ATP11A: variants seen among roughly 807,000 people sequenced by gnomAD.
ATP11A encodes the protein ATPase phospholipid transporting 11A, also known as phospholipid-transporting ATPase IH.
Under a neutral mutation model 154.4 loss-of-function variants are expected in ATP11A, and 81 were observed. The observed-to-expected ratio is 0.52, with a 90% CI of 0.44 to 0.63. The LOEUF is 0.63. Among genes scored for constraint, ATP11A ranks in the 30% least tolerant of loss-of-function variants. The probability of loss-of-function intolerance (pLI) is 0.00; values close to 1 mark genes in which losing one functional copy is unlikely to be tolerated. For synonymous variants in ATP11A, 623 were observed against 585.9 expected (o/e 1.06, Z -0.91); for missense variants, 1,316 against 1,474.3 (o/e 0.89, Z 1.76).
At chr13:112,787,396 A>AG (rs1258149429) in intron 2 of ATP11A, among the ~76,000 whole-genome samples, 1 of 96,050 alleles carries the variant, frequency 1.0e-5, no homozygotes, top group Admixed American at 1.0e-4. Context: ...AATCCACACC[A>AG]GTGTCCTAAT....
intron 1 of ATP11A, among the ~76,000 whole-genome samples, chr13:112,694,882 G>T (rs965432943): frequency 3.9e-5 from 6 of 152,188 alleles, no homozygotes; most frequent in African/African-American, 1.4e-4. Context: ...TGCTTCCCGA[G>T]AACTTGAAGC....
At chr13:112,728,396 C>T (rs538373159) in intron 1 of ATP11A, among the ~76,000 whole-genome samples, 10 of 146,518 alleles carry the variant, frequency 6.8e-5, no homozygotes, top group East Asian at 6.2e-4. Context: ...TGAGACTGTG[C>T]GGCCCGGCTC....
chr13:112,841,959 C>G (rs760020375), intron 16 of ATP11A, among the ~76,000 whole-genome samples: 1 of 152,262 alleles, frequency 6.6e-6, no homozygotes, highest in Non-Finnish European at 1.5e-5. Context: ...TGGGTCACCC[C>G]AACGCCCGTC....
At chr13:112,864,864 C>A (rs34771033) in intron 25 of ATP11A, among the ~76,000 whole-genome samples, 13 of 71,512 alleles carry the variant, frequency 1.8e-4, no homozygotes, top group South Asian at 5.0e-4. Flanking sequence ...CCATCACCAC[C>A]TGCGCAGTAA....
chr13:112,698,923 T>TTGC (rs1886194780), intron 1 of ATP11A, among the ~76,000 whole-genome samples: 1 of 152,288 alleles, frequency 6.6e-6, no homozygotes, highest in South Asian at 2.1e-4. Context: ...AGACAGGGTT[T>TTGC]TGCTATGTTG....
chr13:112,886,821 T>C lies in ATP11A; in HGVS notation c.*4955T>C, dbSNP rs1270535032. The stretch of plus-strand genomic sequence containing the variant: ...TAATAAAAGAAGGTCTTCAAAAATG[T>C]ATTTAACATGAATGGTATCCATAGT... On this transcript the variant is annotated 3_prime_UTR_variant, in exon 30 of 30. Coordinates refer to ENST00000375645, the MANE Select transcript of ATP11A (RefSeq NM_015205.3). The C allele has an allele frequency of 6.6e-6, 1 of 152,508 alleles. No homozygotes were observed. Among genetic ancestry groups the C allele is most frequent in the African/African-American group, 2.4e-5 (1 of 41,464 alleles). 9.4% of individuals were successfully genotyped at this position (152,508 alleles called of 1,614,324 possible).
At chr13:112,733,213 A>G (rs988155791) in intron 1 of ATP11A, among the ~76,000 whole-genome samples, 22 of 152,152 alleles carry the variant, frequency 1.4e-4, no homozygotes, top group African/African-American at 5.1e-4. Flanking sequence ...AGAGAGGGGA[A>G]GCTGAATATG....
chr13:112,709,116 C>T (rs910800964), intron 1 of ATP11A, among the ~76,000 whole-genome samples: 1 of 152,278 alleles, frequency 6.6e-6, no homozygotes, highest in East Asian at 1.9e-4. Flanking sequence ...CTTGGCCAGC[C>T]CTCTGTGCCC....
intron 1 of ATP11A, among the ~76,000 whole-genome samples, chr13:112,783,363 C>T (rs1264815249): frequency 6.6e-6 from 1 of 152,232 alleles, no homozygotes; most frequent in African/African-American, 2.4e-5. Context: ...TGGCCCTGAG[C>T]ATTTACAAGT....
chr13:112,744,831 G>A (rs868217332), intron 1 of ATP11A, among the ~76,000 whole-genome samples: 1 of 152,208 alleles, frequency 6.6e-6, no homozygotes, highest in African/African-American at 2.4e-5. Context: ...CCTACTTCAT[G>A]TAAGATATGT....
intron 20 of ATP11A, chr13:112,856,801 G>C (rs2079940429): frequency 6.6e-6 from 1 of 152,226 alleles, no homozygotes; most frequent in Admixed American, 6.5e-5. Context: ...ATTGGTCAGA[G>C]CAAACCAGTG....
At chr13:112,692,645 C>T (rs553908989) in intron 1 of ATP11A, among the ~76,000 whole-genome samples, 1 of 152,164 alleles carries the variant, frequency 6.6e-6, no homozygotes, top group African/African-American at 2.4e-5. Flanking sequence ...CTCGGGAATA[C>T]GAGTTGTGGG....
At chr13:112,879,904 G>A (rs1012227340) in intron 29 of ATP11A, among the ~76,000 whole-genome samples, 9 of 152,216 alleles carry the variant, frequency 5.9e-5, no homozygotes, top group South Asian at 2.1e-4. Context: ...ATATATGCCC[G>A]TGCTGGCATC....
Position 112,816,155 on chromosome 13 carries a change from G to A in ATP11A, c.514G>A (p.Gly172Arg), listed in dbSNP as rs1271010541. The change falls in exon 6 of 30, where the codon GGA becomes AGA. Residue 172 changes from glycine to arginine, a missense_variant. By Grantham distance (125) the Gly-to-Arg change is moderately radical. Around this residue, in one of 5 missense-constraint regions of ATP11A, gnomAD observed 876 missense variants for 1,006.8 expected, o/e 0.87. Coordinates refer to ENST00000375645, the MANE Select transcript of ATP11A (RefSeq NM_015205.3). ...CTTGATCTTCCTTTCCAGCAACCGG[G>A]GAGATGGGACGTGCCACGTCACCAC... The part of the protein sequence containing the change: ...CDLIFLSSNR[G>R]DGTCHVTTAS... The A allele has an allele frequency of 1.2e-6, 2 of 1,614,072 alleles. No homozygotes were observed. The highest frequency in any genetic ancestry group is 1.7e-5 in the Admixed American group (1 of 60,010).
intron 4 of ATP11A, among the ~76,000 whole-genome samples, chr13:112,808,536 CTG>C (rs1324299845): frequency 6.6e-6 from 1 of 151,226 alleles, no homozygotes; most frequent in Non-Finnish European, 1.5e-5. Context: ...AACAGCGCCT[CTG>C]TCCGCAGCTG....
rs372991545 is a variant in ATP11A, at chr13:112,754,222, C to T, written c.40-30913C>T. 3.9e-4 allele frequency among the ~76,000 whole-genome samples: 60 copies of T among 152,324 alleles called. 1 individual carries two copies. The South Asian group carries it at 0.011, about 27-fold the overall frequency. ...TTTTCTCGCAGAAGGCAGAGAAGGCCGTGGAATAACAGGGCCGGGTTCTCA... is the reference window on the plus strand; with the variant it reads ...TTTTCTCGCAGAAGGCAGAGAAGGCTGTGGAATAACAGGGCCGGGTTCTCA... On this transcript the variant is annotated intron_variant, in intron 1 of 29. Coordinates refer to ENST00000375645, the MANE Select transcript of ATP11A (RefSeq NM_015205.3). This position sits in a 1 kb window ranked among gnomAD's most constrained non-coding sequence, Gnocchi z 5.3.
At chr13:112,766,593 C>A (rs1015910700) in intron 1 of ATP11A, among the ~76,000 whole-genome samples, 2 of 151,488 alleles carry the variant, frequency 1.3e-5, no homozygotes, top group African/African-American at 4.9e-5. Context: ...ACCACCGTCA[C>A]ATGCTTGCAT....
At chr13:112,740,918 G>T (rs893466926) in intron 1 of ATP11A, among the ~76,000 whole-genome samples, 3 of 152,184 alleles carry the variant, frequency 2.0e-5, no homozygotes, top group Non-Finnish European at 4.4e-5. Flanking sequence ...TATTCAGGGC[G>T]GAATTTTCAC....
chr13:112,835,525 G>C (rs1164363349), intron 15 of ATP11A, among the ~76,000 whole-genome samples: 1 of 152,212 alleles, frequency 6.6e-6, no homozygotes, highest in African/African-American at 2.4e-5. Context: ...CGGGTTTGCA[G>C]CCGTGGAGGT....
Sources: allele counts gnomAD v4.1 joint callset (sites outside exome capture counted in the v4.1 genomes callset), GRCh38; gene constraint gnomAD v4.1.1; regional missense constraint gnomAD v4.1.1; non-coding constraint Gnocchi (gnomAD v3.1); transcripts MANE v1.5; gene names NCBI Gene and HGNC (gene_info 2026-07-23, HGNC 2026-07-21).